Variants in SEMA4B observed in about 807,000 individuals in gnomAD.
SEMA4B encodes the protein semaphorin 4B.
SEMA4B carries 55 observed loss-of-function variants against 88.1 expected under a neutral mutation model. That is an observed-to-expected ratio of 0.62 (90% CI 0.50 to 0.78). The LOEUF (loss-of-function observed/expected upper bound fraction) is 0.78. Among genes scored for constraint, SEMA4B ranks in the 30% least tolerant of loss-of-function variants. The pLI is 0.00. For missense variants in SEMA4B, 1,062 were observed against 1,111.9 expected, an observed-to-expected ratio of 0.96 and a Z score of 0.64; for synonymous variants, 525 against 473.6, an observed-to-expected ratio of 1.11 and a Z score of -1.41.
chr15:90,191,876 G>C (rs1222438106), intron 1 of SEMA4B: 1 of 152,302 alleles, frequency 6.6e-6, no homozygotes, highest in African/African-American at 2.4e-5. Flanking sequence ...GGCAGCCATT[G>C]GCTGATTTGA....
At chr15:90,227,407 T>C (rs1962224305) in intron 12 of SEMA4B, 150 bp from the exon 13 acceptor site, 2 of 621,660 alleles carry the variant, frequency 3.2e-6, no homozygotes, top group Non-Finnish European at 5.7e-6. Context: ...TGACTTGAAA[T>C]AATGTGTAGA....
intron 1 of SEMA4B, among the ~76,000 whole-genome samples, chr15:90,204,415 T>A (rs1960893473): frequency 6.6e-6 from 1 of 152,124 alleles, no homozygotes; most frequent in Non-Finnish European, 1.5e-5. Context: ...GAACCCTAAT[T>A]ATTGTTGATG....
chr15:90,188,768 T>G (rs574460345), intron 1 of SEMA4B, among the ~76,000 whole-genome samples: 1 of 151,990 alleles, frequency 6.6e-6, no homozygotes, highest in Non-Finnish European at 1.5e-5. Flanking sequence ...CCCGGATTCA[T>G]GCCATTCTTC....
At chr15:90,201,775 A>T (rs937730420) in intron 1 of SEMA4B, 40 bp downstream of exon 1, 19 of 1,379,266 alleles carry the variant, frequency 1.4e-5, no homozygotes, top group Middle Eastern at 2.7e-4. Flanking sequence ...CGGGGGAAGG[A>T]AGGCTGCCGG....
At chr15:90,206,755 C>A in intron 1 of SEMA4B, 1 of 772,906 alleles carries the variant, frequency 1.3e-6, no homozygotes, top group Non-Finnish European at 2.3e-6. Context: ...CTGTGTATGT[C>A]AAGTTGGTGG....
At chr15:90,216,498 A>G (rs547077454) in intron 1 of SEMA4B, among the ~76,000 whole-genome samples, 3 of 152,312 alleles carry the variant, frequency 2.0e-5, no homozygotes, top group African/African-American at 7.2e-5. Flanking sequence ...CCCTGCTACC[A>G]TATTATGATG....
At chr15:90,203,958 C>CT (rs1473753292) in intron 1 of SEMA4B, among the ~76,000 whole-genome samples, 1 of 152,076 alleles carries the variant, frequency 6.6e-6, no homozygotes. Flanking sequence ...AGTGCCCCCT[C>CT]TCTGGGCTTC....
intron 1 of SEMA4B, among the ~76,000 whole-genome samples, chr15:90,194,768 T>A (rs1181864346): frequency 6.6e-6 from 1 of 152,184 alleles, no homozygotes; most frequent in Non-Finnish European, 1.5e-5. Flanking sequence ...ACCCAATAAC[T>A]CTTCACCTAT....
intron 1 of SEMA4B, chr15:90,206,987 CA>C (rs11341593): frequency 0.44 from 206,622 of 467,570 alleles, 46,946 homozygotes; most frequent in African/African-American, 0.58. Flanking sequence ...CTTTGGCTCA[CA>C]AAAAAAACAA....
rs1960732202 is a variant in SEMA4B, at chr15:90,201,595, T to C, written c.17T>C (p.Met6Thr). 1 of 1,506,268 alleles carries C rather than the reference T, an allele frequency of 6.6e-7. No homozygotes were observed. Among genetic ancestry groups the C allele is most frequent in the Non-Finnish European group, 8.8e-7 (1 of 1,134,952 alleles). 93.3% of individuals were successfully genotyped at this position (1,506,268 alleles called of 1,614,324 possible). A position where few individuals can be genotyped will look rare whatever the true frequency, so the allele number is the denominator to read the frequency against. ...GCTCTCCGAATGCTGCGCACCGCGA[T>C]GGGCCTGAGGAGCTGGCTCGCCGCC... Reference protein sequence around the residue: MLRTAMGLRSWLAAPW... With the variant: MLRTATGLRSWLAAPW... Residue 6 changes from methionine to threonine, a missense_variant, in exon 1 of 14, where the codon ATG becomes ACG. Physicochemically the swap from Met to Thr is moderately conservative, Grantham distance 81. Transcript: ENST00000411539.
intron 1 of SEMA4B, among the ~76,000 whole-genome samples, chr15:90,205,074 C>G (rs1960926858): frequency 6.6e-6 from 1 of 152,220 alleles, no homozygotes; most frequent in African/African-American, 2.4e-5. Flanking sequence ...CACATCCGGC[C>G]TTAAAGGGAG....
At chr15:90,185,886 C>T (rs1286975508) in intron 1 of SEMA4B, among the ~76,000 whole-genome samples, 1 of 147,428 alleles carries the variant, frequency 6.8e-6, no homozygotes, top group East Asian at 2.0e-4. Context: ...GTGGGAAGGT[C>T]AGGATTTGAA....
At chr15:90,192,770 T>C (rs1960382286) in intron 1 of SEMA4B, among the ~76,000 whole-genome samples, 1 of 152,036 alleles carries the variant, frequency 6.6e-6, no homozygotes, top group Non-Finnish European at 1.5e-5. Context: ...TTTGTACTTT[T>C]AGTAGAGATG....
In SEMA4B at chr15:90,207,384, C is replaced by T. The variant is rs149926055; in HGVS notation, c.157+5649C>T. On this transcript the variant is annotated intron_variant, in intron 1 of 13. Coordinates refer to ENST00000411539, the MANE Select transcript of SEMA4B (RefSeq NM_198925.4). ...TAAAGAGGAGCCAAATTAGCCAACT[C>T]GTGTCCTCTTTTTTGGCATCTTTTG... Among the ~76,000 whole-genome samples, 361 of 152,286 alleles carry T rather than the reference C, an allele frequency of 2.4e-3. 2 individuals are homozygous for T. The highest frequency in any genetic ancestry group is 8.3e-3 in the African/African-American group (344 of 41,544).
rs377347671 is a variant in SEMA4B, at chr15:90,225,795, C to T, written c.1656C>T (p.His552=). 74 of 1,556,028 alleles carry T rather than the reference C, an allele frequency of 4.8e-5. No homozygotes were observed. The highest frequency in any genetic ancestry group is 4.5e-4 in the Admixed American group (25 of 55,352). ...CTTGGAGCGGCTCCAGCTGCAAGCA[C>T]GTCAGCCTCTACCAGCCTCAGCTGG... ...YCAWSGSSCK[H]VSLYQPQLAT... The change falls in exon 12 of 14, where the codon CAC becomes CAT. Residue 552 remains histidine (H), a synonymous_variant. Coordinates refer to ENST00000411539, the MANE Select transcript of SEMA4B (RefSeq NM_198925.4).
chr15:90,226,744 G>T (rs1254206381), intron 12 of SEMA4B, among the ~76,000 whole-genome samples: 2 of 152,156 alleles, frequency 1.3e-5, no homozygotes, highest in African/African-American at 4.8e-5. Context: ...AACCAAGTGA[G>T]TTTTGGTGCG....
intron 1 of SEMA4B, among the ~76,000 whole-genome samples, chr15:90,204,892 C>T (rs899885696): frequency 1.3e-5 from 2 of 152,162 alleles, no homozygotes; most frequent in African/African-American, 4.8e-5. Flanking sequence ...TCTCCTGCCT[C>T]AGCCTCTCGA....
In SEMA4B at chr15:90,217,806, A is replaced by G. The variant is rs1413313701; in HGVS notation, c.361A>G (p.Ser121Gly). Reference protein sequence around the residue: ...GADAEKKQQCSFKGKDPQRDC... With the variant: ...GADAEKKQQCGFKGKDPQRDC... ...AGACGCAGAGAAGAAACAGCAGTGC[A>G]GCTTCAAGGGCAAGGACCCACAGGT... The change falls in exon 3 of 14, where the codon AGC becomes GGC. Residue 121 changes from serine to glycine, a missense_variant. Transcript: ENST00000411539. The G allele has an allele frequency of 6.2e-7, 1 of 1,613,160 alleles. No homozygotes were observed. The highest frequency in any genetic ancestry group is 1.3e-5 in the African/African-American group (1 of 75,026).
chr15:90,211,471 C>T (rs771282698), intron 1 of SEMA4B, among the ~76,000 whole-genome samples: 4 of 152,192 alleles, frequency 2.6e-5, no homozygotes, highest in African/African-American at 4.8e-5. Context: ...GTCAGGGACT[C>T]GACTCTGGCA....
Sources: allele counts gnomAD v4.1 joint callset (sites outside exome capture counted in the v4.1 genomes callset), GRCh38; gene constraint gnomAD v4.1.1; transcripts MANE v1.5; gene names NCBI Gene and HGNC (gene_info 2026-07-23, HGNC 2026-07-21).